Variants in ST8SIA6 observed in about 807,000 individuals in gnomAD.
The protein encoded by ST8SIA6 is ST8 alpha-N-acetyl-neuraminide alpha-2,8-sialyltransferase 6, also known as alpha-2,8-sialyltransferase 8F.
A neutral mutation model predicts 33.6 loss-of-function variants in ST8SIA6; 39 were observed. The ratio of observed to expected loss-of-function variants is 1.16; its 90% CI spans 0.90 to 1.52. The LOEUF (loss-of-function observed/expected upper bound fraction) is 1.52. Ranked by LOEUF, ST8SIA6 falls within the 40% of genes most tolerant of loss-of-function variation. The probability of loss-of-function intolerance (pLI) is 0.00; values close to 1 mark genes in which losing one functional copy is unlikely to be tolerated. For synonymous variants in ST8SIA6, 172 were observed against 167.2 expected (o/e 1.03, Z -0.22); for missense variants, 441 against 443.8 (o/e 0.99, Z 0.06).
intron 2 of ST8SIA6, chr10:17,409,775 T>A (rs1851390681): frequency 6.5e-6 from 1 of 152,760 alleles, no homozygotes; most frequent in Non-Finnish European, 1.5e-5. Context: ...CTCGGGAGGC[T>A]GAGGCGGGAG....
chr10:17,385,028 T>G lies in ST8SIA6; in HGVS notation c.290+5503A>C, dbSNP rs146340432. 5.4e-3 allele frequency among the ~76,000 whole-genome samples: 823 copies of G among 151,066 alleles called. 7 individuals carry two copies. Among genetic ancestry groups the G allele is most frequent in the African/African-American group, 0.019 (783 of 41,458 alleles). On this transcript the variant is annotated intron_variant, in intron 3 of 7. Coordinates refer to ENST00000377602, the MANE Select transcript of ST8SIA6 (RefSeq NM_001004470.3). ...TTGTTTTTTGTTTGTTTGTTTGTTT[T>G]TTTGTAAAATCATTTCTCCAAAAGA... is the stretch of plus-strand genomic sequence containing the variant.
chr10:17,389,325 C>T (rs1426659840), intron 3 of ST8SIA6, among the ~76,000 whole-genome samples: 9 of 152,180 alleles, frequency 5.9e-5, no homozygotes. Context: ...TCTGTCTAGG[C>T]AGTGGGCAAG....
At chr10:17,356,960 C>G (rs1214853428) in intron 4 of ST8SIA6, among the ~76,000 whole-genome samples, 1 of 152,080 alleles carries the variant, frequency 6.6e-6, no homozygotes, top group African/African-American at 2.4e-5. Context: ...TTAAATGGAG[C>G]CAGACATTGT....
chr10:17,452,360 A>G (rs887038283), intron 2 of ST8SIA6, among the ~76,000 whole-genome samples: 1 of 152,208 alleles, frequency 6.6e-6, no homozygotes, highest in Admixed American at 6.5e-5. Flanking sequence ...GGTGGATCCA[A>G]GAGCCAAGAA....
intron 2 of ST8SIA6, among the ~76,000 whole-genome samples, chr10:17,424,802 C>T (rs555881474): frequency 1.3e-5 from 2 of 150,902 alleles, no homozygotes; most frequent in South Asian, 2.1e-4. Context: ...GGCACAATCT[C>T]GGCTCACTGC....
At chr10:17,346,793 T>C (rs531059087) in intron 4 of ST8SIA6, among the ~76,000 whole-genome samples, 3 of 152,188 alleles carry the variant, frequency 2.0e-5, no homozygotes, top group African/African-American at 7.2e-5. Context: ...CAATCAACAG[T>C]CTATCATCTA....
intron 3 of ST8SIA6, among the ~76,000 whole-genome samples, chr10:17,383,413 A>C (rs577724837): frequency 1.9e-3 from 282 of 152,316 alleles, no homozygotes; most frequent in African/African-American, 6.3e-3. Flanking sequence ...ATTTGTATAA[A>C]TATGTTATTG....
At chr10:17,452,919 G>T (rs565319622) in intron 2 of ST8SIA6, among the ~76,000 whole-genome samples, 1 of 151,996 alleles carries the variant, frequency 6.6e-6, no homozygotes, top group East Asian at 1.9e-4. Context: ...AAGAAATATA[G>T]ACCAAAACCA....
intron 2 of ST8SIA6, among the ~76,000 whole-genome samples, chr10:17,432,040 A>G (rs955298731): frequency 2.0e-5 from 3 of 150,466 alleles, no homozygotes; most frequent in Non-Finnish European, 4.5e-5. Context: ...GAAGTAGACT[A>G]GGTGGGTATC....
chr10:17,329,132 G>A (rs74117635), intron 5 of ST8SIA6, among the ~76,000 whole-genome samples: 2,029 of 152,298 alleles, frequency 0.013, 44 homozygotes, highest in African/African-American at 0.046. Flanking sequence ...CTCGGTTTCA[G>A]TACAACTCTC....
intron 7 of ST8SIA6, 23 bp downstream of exon 7, chr10:17,323,042 T>G (rs772405660): frequency 1.3e-5 from 21 of 1,590,584 alleles, no homozygotes; most frequent in Admixed American, 3.4e-5. Context: ...TCCTGATCAG[T>G]TATGTAACTT....
chr10:17,390,803 A>AAAAAG (rs1033406535), intron 2 of ST8SIA6, among the ~76,000 whole-genome samples, 183 bp from the exon 3 acceptor site: 6 of 151,500 alleles, frequency 4.0e-5, no homozygotes, highest in African/African-American at 1.5e-4. Flanking sequence ...CTAAATGAAA[A>AAAAAG]AAAAAACAAA....
At chr10:17,368,769 G>T (rs1259051005) in intron 3 of ST8SIA6, among the ~76,000 whole-genome samples, 1 of 152,120 alleles carries the variant, frequency 6.6e-6, no homozygotes, top group Non-Finnish European at 1.5e-5. Context: ...GAAAGAAATT[G>T]TAAAGGCTGG....
In ST8SIA6 at chr10:17,327,028, G is replaced by A. The variant is rs754645226; in HGVS notation, c.621C>T (p.Ser207=). 15 of 1,594,428 alleles carry A rather than the reference G, an allele frequency of 9.4e-6. No homozygotes were observed. The highest frequency in any genetic ancestry group is 3.6e-5 in the Admixed American group (2 of 55,876). The change falls in exon 6 of 8, where the codon TCC becomes TCT. Residue 207 remains serine (S), a synonymous_variant. Transcript: ENST00000377602. Reference sequence around the variant, plus strand: ...TCAGGTCTTACCTAAAAACGAAGTCGGATTTATCTATTTCAGTTCCACAGA... The same window carrying A: ...TCAGGTCTTACCTAAAAACGAAGTCAGATTTATCTATTTCAGTTCCACAGA... ...KSLCGTEIDK[S]DFVFRCNLPP...
At position 17,453,644 on chromosome 10, in the gene ST8SIA6, C is replaced by T. The variant is rs1199802290; in HGVS notation, c.115G>A (p.Glu39Lys). 10 of 1,322,384 alleles carry T rather than the reference C, an allele frequency of 7.6e-6. No individual in the cohort carries two copies. In the African/African-American group the frequency reaches 9.0e-5, roughly 12 times the overall value. The allele number at this position is 1,322,384 out of a possible 1,614,324, so 81.9% of individuals were successfully genotyped here. A position where few individuals can be genotyped will look rare whatever the true frequency, so the allele number is the denominator to read the frequency against. ...APGRARILVE[E>K]SREATHGTPA... ...GTGCCGTGGGTGGCCTCCCTGCTTTCCTCCACCAGAATCCTGCACAGCCGG... is the reference window on the plus strand; with the variant it reads ...GTGCCGTGGGTGGCCTCCCTGCTTTTCTCCACCAGAATCCTGCACAGCCGG... The change falls in exon 2 of 8, where the codon GAA (glutamate) becomes AAA (lysine). Residue 39 changes from glutamate (E) to lysine (K), a missense_variant. By Grantham distance (56) the Glu-to-Lys change is moderately conservative. Coordinates refer to ENST00000377602, the MANE Select transcript of ST8SIA6 (RefSeq NM_001004470.3).
intron 2 of ST8SIA6, among the ~76,000 whole-genome samples, chr10:17,422,545 T>C (rs540331716): frequency 6.6e-6 from 1 of 152,254 alleles, no homozygotes; most frequent in African/African-American, 2.4e-5. Context: ...TTAATAATTC[T>C]ACTCCTCTCT....
At chr10:17,424,478 C>A (rs909844314) in intron 2 of ST8SIA6, among the ~76,000 whole-genome samples, 4 of 152,156 alleles carry the variant, frequency 2.6e-5, no homozygotes, top group Admixed American at 2.6e-4. Context: ...TGCCCCCACA[C>A]AGTGTGTGTG....
At chr10:17,336,029 C>T (rs1282687582) in intron 4 of ST8SIA6, among the ~76,000 whole-genome samples, 5 of 151,662 alleles carry the variant, frequency 3.3e-5, no homozygotes, top group Non-Finnish European at 7.4e-5. Context: ...GATCTTGGCT[C>T]ACTGCAACCT....
chr10:17,438,893 A>AAT (rs1204800176), intron 2 of ST8SIA6, among the ~76,000 whole-genome samples: 1 of 152,254 alleles, frequency 6.6e-6, no homozygotes, highest in Non-Finnish European at 1.5e-5. Flanking sequence ...ACCTTGTTAG[A>AAT]ATAACTCTTA....
Sources: allele counts gnomAD v4.1 joint callset (sites outside exome capture counted in the v4.1 genomes callset), GRCh38; gene constraint gnomAD v4.1.1; transcripts MANE v1.5; gene names NCBI Gene and HGNC (gene_info 2026-07-23, HGNC 2026-07-21).